The following PNPLA1 variants were observed in gnomAD, a reference collection of about 807,000 sequenced individuals.
The protein encoded by PNPLA1 is patatin like domain 1, omega-hydroxyceramide transacylase, also known as omega-hydroxyceramide transacylase.
In PNPLA1, 36 loss-of-function variants were observed where a neutral mutation model predicts 51.7. The ratio of observed to expected loss-of-function variants is 0.70; its 90% CI spans 0.53 to 0.92. The LOEUF is 0.92. Among genes scored for constraint, PNPLA1 ranks in the 40% least tolerant of loss-of-function variants. The pLI, the probability that PNPLA1 is intolerant of heterozygous loss-of-function variation, is 0.00. For missense variants in PNPLA1, 658 were observed against 682.5 expected, an observed-to-expected ratio of 0.96 and a Z score of 0.40; for synonymous variants, 293 against 280.1, an observed-to-expected ratio of 1.05 and a Z score of -0.46.
At chr6:36,274,885 G>A (rs1770043602) in intron 1 of PNPLA1, among the ~76,000 whole-genome samples, 1 of 152,054 alleles carries the variant, frequency 6.6e-6, no homozygotes, top group Non-Finnish European at 1.5e-5. Context: ...TTCCTACTGA[G>A]TTATCTTTTT....
Position 36,256,594 on chromosome 6 carries a change from C to T in PNPLA1, c.-81+13333C>T, listed in dbSNP as rs537355565. Among the ~76,000 whole-genome samples the T allele has an allele frequency of 8.5e-5, 13 of 152,162 alleles. No individual in the cohort carries two copies. The South Asian group carries it at 2.3e-3, about 27-fold the overall frequency. ...TCCCAAGTAGCTGGGACTACAGGCA[C>T]GTGCCACCATGCCTGGCTAATTTTT... On this transcript the variant is annotated intron_variant, in intron 1 of 7. Coordinates refer to the PNPLA1 transcript ENST00000312917.
In PNPLA1 at chr6:36,312,799, T is replaced by C. The variant is rs1771435789; in HGVS notation, c.*913T>C. ...CACTACCCTACTCTGGACAGACTGA[T>C]GGATGCCAGCACTGATCGGCACTCA... On this transcript the variant is annotated 3_prime_UTR_variant, in exon 9 of 9. Transcript: ENST00000636260. Among the ~76,000 whole-genome samples the C allele has an allele frequency of 6.6e-6, 1 of 152,206 alleles. No individual in the cohort carries two copies. The highest frequency in any genetic ancestry group is 1.5e-5 in the Non-Finnish European group (1 of 68,042).
intron 8 of PNPLA1, 153 bp downstream of exon 8, chr6:36,307,865 C>T (rs1771291553): frequency 1.0e-6 from 1 of 984,808 alleles, no homozygotes; most frequent in South Asian, 2.0e-5. Context: ...CATAAAATTC[C>T]TGCTCTGCCA....
At chr6:36,301,461 G>A (rs144146495) in intron 5 of PNPLA1, among the ~76,000 whole-genome samples, 1 of 151,848 alleles carries the variant, frequency 6.6e-6, no homozygotes, top group East Asian at 1.9e-4. Context: ...ACCACCTGGT[G>A]TGTCCTCAAA....
chr6:36,263,631 A>T (rs1040665229), intron 1 of PNPLA1, among the ~76,000 whole-genome samples: 5 of 152,074 alleles, frequency 3.3e-5, no homozygotes, highest in African/African-American at 1.2e-4. Flanking sequence ...AGTTGCAGAA[A>T]TGCCCATTGT....
Position 36,307,591 on chromosome 6 carries a change from A to C in PNPLA1, c.1474A>C (p.Ser492Arg). ...CTACTTAATCTCTTTGCCTAGGGAG[A>C]GCCCTGCTGAAGACTCAAACTGGGT... ...ETVSKPYVTE[S>R]PAEDSNWVNK... Residue 492 changes from serine to arginine, a missense_variant, in exon 8 of 9, where the codon AGC (serine) becomes CGC (arginine). Ser to Arg is a moderately radical substitution (Grantham distance 110). Transcript: ENST00000636260. 2 of 1,613,436 alleles carry C rather than the reference A, an allele frequency of 1.2e-6. No homozygotes were observed. The highest frequency in any genetic ancestry group is 1.7e-6 in the Non-Finnish European group (2 of 1,179,672).
intron 1 of PNPLA1, among the ~76,000 whole-genome samples, chr6:36,263,152 AT>A (rs988726165): frequency 1.4e-4 from 21 of 152,370 alleles, no homozygotes; most frequent in Admixed American, 3.3e-4. Context: ...ACACAAAAAA[AT>A]ATAAACTATA....
chr6:36,245,313 G>A (rs1369887222), intron 1 of PNPLA1, among the ~76,000 whole-genome samples: 1 of 152,178 alleles, frequency 6.6e-6, no homozygotes, highest in Non-Finnish European at 1.5e-5. Flanking sequence ...AACAACTCAG[G>A]AACATATATT....
intron 1 of PNPLA1, among the ~76,000 whole-genome samples, chr6:36,244,323 A>T (rs1769215789): frequency 6.6e-6 from 1 of 152,128 alleles, no homozygotes; most frequent in East Asian, 1.9e-4. Flanking sequence ...TATATAAATG[A>T]GTATATTCCA....
chr6:36,278,940 G>A (rs1770193290), intron 1 of PNPLA1, among the ~76,000 whole-genome samples: 1 of 152,200 alleles, frequency 6.6e-6, no homozygotes, highest in African/African-American at 2.4e-5. Flanking sequence ...CGTGCTCAAA[G>A]GAGAAGATAA....
intron 1 of PNPLA1, among the ~76,000 whole-genome samples, chr6:36,250,241 C>T (rs1315596239): frequency 6.6e-6 from 1 of 152,158 alleles, no homozygotes; most frequent in Non-Finnish European, 1.5e-5. Flanking sequence ...AAGCAACAGT[C>T]CCAAGAGAAG....
At chr6:36,288,404 A>C (rs1770569233) in intron 1 of PNPLA1, among the ~76,000 whole-genome samples, 1 of 150,706 alleles carries the variant, frequency 6.6e-6, no homozygotes, top group African/African-American at 2.4e-5. Context: ...GCTTGAGACC[A>C]GGGGTTCAAG....
chr6:36,289,720 T>C (rs771403280), intron 1 of PNPLA1, among the ~76,000 whole-genome samples: 17 of 152,058 alleles, frequency 1.1e-4, no homozygotes, highest in Non-Finnish European at 2.5e-4. Context: ...GTCAGAAAAA[T>C]CACTGCCTGG....
intron 1 of PNPLA1, among the ~76,000 whole-genome samples, chr6:36,251,131 T>G (rs1405711158): frequency 6.6e-6 from 1 of 152,148 alleles, no homozygotes; most frequent in Non-Finnish European, 1.5e-5. Context: ...TCATCTTGGG[T>G]CTCCCCACCC....
chr6:36,305,768 CTTTTT>C (rs72063246), intron 6 of PNPLA1, among the ~76,000 whole-genome samples: 6 of 96,570 alleles, frequency 6.2e-5, no homozygotes, highest in Admixed American at 2.4e-4. Context: ...TTACTTTTCT[CTTTTT>C]TTTTTTTTTT....
chr6:36,297,915 G>A (rs72848557), intron 5 of PNPLA1, among the ~76,000 whole-genome samples: 3,776 of 150,658 alleles, frequency 0.025, 50 homozygotes, highest in Middle Eastern at 0.092. Flanking sequence ...CCACAATTAA[G>A]TTAGTGAATA....
chr6:36,244,899 G>C (rs960722611), intron 1 of PNPLA1, among the ~76,000 whole-genome samples: 1 of 152,196 alleles, frequency 6.6e-6, no homozygotes, highest in Non-Finnish European at 1.5e-5. Flanking sequence ...AAGGAGAATC[G>C]GGCAGCTCAT....
chr6:36,251,470 C>T (rs1215558856), intron 1 of PNPLA1, among the ~76,000 whole-genome samples: 3 of 152,212 alleles, frequency 2.0e-5, no homozygotes, highest in Non-Finnish European at 4.4e-5. Context: ...ATGTGACTTG[C>T]TTTAACCAGT....
chr6:36,252,956 G>A (rs1355044162), intron 1 of PNPLA1, among the ~76,000 whole-genome samples: 3 of 152,264 alleles, frequency 2.0e-5, no homozygotes, highest in South Asian at 4.1e-4. Context: ...CAAGGCTGGC[G>A]GATTGCCTGA....
Sources: gnomAD v4.1 joint callset for allele counts (sites outside exome capture counted in the v4.1 genomes callset) on GRCh38, gnomAD v4.1.1 for gene constraint, MANE v1.5 for transcripts, NCBI Gene and HGNC (gene_info 2026-07-23, HGNC 2026-07-21) for gene names.